Variants in GAL3ST2 observed in about 807,000 individuals in gnomAD.
GAL3ST2 encodes beta-galactose-3-O-sulfotransferase 2.
In GAL3ST2, 16 loss-of-function variants were observed where a neutral mutation model predicts 12.9. That is an observed-to-expected ratio of 1.24 (90% CI 0.84 to 1.88). GAL3ST2 has a LOEUF of 1.88. Ranked by LOEUF, GAL3ST2 falls within the 40% of genes most tolerant of loss-of-function variation. GAL3ST2 has a pLI of 0.00. For missense variants in GAL3ST2, 639 were observed against 571.8 expected, an observed-to-expected ratio of 1.12 and a Z score of -1.20; for synonymous variants, 302 against 273.9, an observed-to-expected ratio of 1.10 and a Z score of -1.01.
Position 241,801,345 on chromosome 2 carries a change from CTTTACG to C in GAL3ST2, c.120-435_120-430del. 1 of 189,666 alleles carries C rather than the reference CTTTACG, an allele frequency of 5.3e-6. No homozygotes were observed. The highest frequency in any genetic ancestry group is 1.1e-5 in the Non-Finnish European group (1 of 92,554). The allele number at this position is 189,666 out of a possible 1,614,324, so 11.7% of individuals were successfully genotyped here. ...CCGTGGTGTAGATGTGCCACATTTT[CTTTACG>C]GTCTCTATGTAACATTCACACCCGG... On this transcript the variant is annotated intron_variant, in intron 2 of 3. Coordinates refer to ENST00000192314, the MANE Select transcript of GAL3ST2 (RefSeq NM_022134.3). This position sits in a 1 kb window ranked among gnomAD's most constrained non-coding sequence, Gnocchi z 4.4.
intron 1 of GAL3ST2, among the ~76,000 whole-genome samples, chr2:241,786,034 A>G (rs915228547): frequency 6.6e-6 from 1 of 152,210 alleles, no homozygotes; most frequent in African/African-American, 2.4e-5. Flanking sequence ...GCTAGCAAAA[A>G]GGTGGTCTTG....
chr2:241,798,968 C>T, intron 1 of GAL3ST2, 97 bp from the exon 2 acceptor site: 1 of 945,812 alleles, frequency 1.1e-6, no homozygotes, highest in South Asian at 1.3e-5. Context: ...AGGCCCAGAC[C>T]TGTGTGGCCC....
intron 1 of GAL3ST2, among the ~76,000 whole-genome samples, chr2:241,792,623 T>C (rs1306481126): frequency 6.6e-6 from 1 of 152,054 alleles, no homozygotes; most frequent in Non-Finnish European, 1.5e-5. Flanking sequence ...CCTAATAACT[T>C]AGGACCTGCC....
intron 1 of GAL3ST2, among the ~76,000 whole-genome samples, chr2:241,787,023 C>CAG (rs1026992501): frequency 6.6e-6 from 1 of 152,114 alleles, no homozygotes; most frequent in African/African-American, 2.4e-5. Flanking sequence ...ATCAGAAACT[C>CAG]AGAGAGGGTA....
intron 1 of GAL3ST2, among the ~76,000 whole-genome samples, chr2:241,792,010 C>T (rs1394299809): frequency 1.1e-4 from 15 of 141,440 alleles, no homozygotes; most frequent in East Asian, 2.1e-4. Flanking sequence ...TCTTTTCTTT[C>T]TTTCTTTTTT....
intron 1 of GAL3ST2, among the ~76,000 whole-genome samples, chr2:241,794,996 C>T (rs548590176): frequency 6.6e-6 from 1 of 152,172 alleles, no homozygotes; most frequent in African/African-American, 2.4e-5. Flanking sequence ...GCACAATTCG[C>T]TGGTTTCTAG....
At chr2:241,777,012 T>C (rs762787795) in intron 1 of GAL3ST2, 28 bp downstream of exon 1, 2 of 1,478,158 alleles carry the variant, frequency 1.4e-6, no homozygotes, top group East Asian at 5.3e-5. Flanking sequence ...ACCCCCCAGG[T>C]GGACAAAGCG....
At position 241,803,366 on chromosome 2, in the gene GAL3ST2, G is replaced by C. The variant is rs752191205; in HGVS notation, c.397G>C (p.Asp133His). Residue 133 changes from aspartate to histidine, a missense_variant, in exon 4 of 4, where the codon GAC becomes CAC. Asp to His is a moderately conservative substitution (Grantham distance 81). Transcript: ENST00000192314. Reference sequence around the variant, plus strand: ...ACAGGTGCAGAAAGTCATGCCCAACGACACCTTCTACTTCTCCATCCTGAG... The same window carrying C: ...ACAGGTGCAGAAAGTCATGCCCAACCACACCTTCTACTTCTCCATCCTGAG... Reference protein sequence around the residue: ...LPQVQKVMPNDTFYFSILRNP... With the variant: ...LPQVQKVMPNHTFYFSILRNP... 1.2e-6 allele frequency: 2 copies of C among 1,603,040 alleles called. No individual in the cohort carries two copies. The highest frequency in any genetic ancestry group is 2.2e-5 in the East Asian group (1 of 44,552).
chr2:241,796,887 C>T (rs1699777851), intron 1 of GAL3ST2, among the ~76,000 whole-genome samples: 1 of 152,128 alleles, frequency 6.6e-6, no homozygotes, highest in Non-Finnish European at 1.5e-5. Context: ...ACTGCTGTGG[C>T]CACAGCCCCA....
intron 1 of GAL3ST2, among the ~76,000 whole-genome samples, chr2:241,790,606 A>G (rs1699683595): frequency 6.6e-6 from 1 of 152,200 alleles, no homozygotes; most frequent in Non-Finnish European, 1.5e-5. Flanking sequence ...ATCATGATTT[A>G]CTTTCCAATC....
intron 1 of GAL3ST2, among the ~76,000 whole-genome samples, chr2:241,781,494 A>G (rs1047191359): frequency 3.3e-5 from 5 of 152,228 alleles, no homozygotes; most frequent in African/African-American, 1.2e-4. Context: ...TTGCCTGTGG[A>G]TGATAAAAAG....
chr2:241,797,656 A>T lies in GAL3ST2; in HGVS notation c.30-1409A>T, dbSNP rs541152997. On this transcript the variant is annotated intron_variant, in intron 1 of 3. Coordinates refer to ENST00000192314, the MANE Select transcript of GAL3ST2 (RefSeq NM_022134.3). Reference sequence around the variant, plus strand: ...CAGCCCTCCCCGCTGCTCCCATGGCAGCGCAGGAATGGTCGTGTGACCACT... The same window carrying T: ...CAGCCCTCCCCGCTGCTCCCATGGCTGCGCAGGAATGGTCGTGTGACCACT... 9.2e-5 allele frequency among the ~76,000 whole-genome samples: 14 copies of T among 151,706 alleles called. No individual in the cohort carries two copies. In the South Asian group the frequency reaches 2.9e-3, roughly 32 times the overall value.
chr2:241,795,600 G>C lies in GAL3ST2; in HGVS notation c.30-3465G>C, dbSNP rs1699763320. On this transcript the variant is annotated intron_variant, in intron 1 of 3. Coordinates refer to ENST00000192314, the MANE Select transcript of GAL3ST2 (RefSeq NM_022134.3). This position sits in a 1 kb window ranked among gnomAD's most constrained non-coding sequence, Gnocchi z 4.5. ...CTTATCAGTGAGTTAATCTCTAACT[G>C]TGCGGAGCCGTAAAACTGCCCTTCC... 6.6e-6 allele frequency among the ~76,000 whole-genome samples: 1 copy of C among 152,110 alleles called. No homozygotes were observed. Among genetic ancestry groups the C allele is most frequent in the Admixed American group, 6.5e-5 (1 of 15,282 alleles).
intron 1 of GAL3ST2, among the ~76,000 whole-genome samples, chr2:241,794,471 G>A (rs1051862042): frequency 6.6e-6 from 1 of 152,196 alleles, no homozygotes; most frequent in Non-Finnish European, 1.5e-5. Flanking sequence ...GGGAGCCTCA[G>A]CGACTTGCTG....
rs560832738 is a variant in GAL3ST2, at chr2:241,780,571, C to T, written c.29+3587C>T. On this transcript the variant is annotated intron_variant, in intron 1 of 3. Coordinates refer to ENST00000192314, the MANE Select transcript of GAL3ST2 (RefSeq NM_022134.3). ...CATAATCTTTTCTCTCTCCAGTTTCCCATTTTTACTAAAGACAAGTCATGG... is the reference window on the plus strand; with the variant it reads ...CATAATCTTTTCTCTCTCCAGTTTCTCATTTTTACTAAAGACAAGTCATGG... 7.9e-5 allele frequency among the ~76,000 whole-genome samples: 12 copies of T among 152,210 alleles called. 1 individual carries two copies. The highest frequency in any genetic ancestry group is 2.6e-4 in the African/African-American group (11 of 41,524).
rs374753008 is a variant in GAL3ST2 at position 241,801,905 on chromosome 2, G to A, written c.244G>A (p.Val82Met). Reference sequence around the variant, plus strand: ...CTTCGCCGAGACCCACAACCTGTCCGTGGCGCTGCCCGCCGGCTCACGCGT... The same window carrying A: ...CTTCGCCGAGACCCACAACCTGTCCATGGCGCTGCCCGCCGGCTCACGCGT... ...YRFAETHNLS[V>M]ALPAGSRVHL... Residue 82 changes from valine (V) to methionine (M), a missense_variant, in exon 3 of 4, where the codon GTG (valine) becomes ATG (methionine). By Grantham distance (21) the Val-to-Met change is conservative. Transcript: ENST00000192314. This position sits in a 1 kb window ranked among gnomAD's most constrained non-coding sequence, Gnocchi z 4.4. 1.4e-5 allele frequency: 23 copies of A among 1,612,874 alleles called. No individual in the cohort carries two copies. Among genetic ancestry groups the A allele is most frequent in the South Asian group, 5.5e-5 (5 of 91,076 alleles).
intron 1 of GAL3ST2, among the ~76,000 whole-genome samples, chr2:241,779,346 G>A (rs376803624): frequency 9.9e-5 from 14 of 140,854 alleles, no homozygotes; most frequent in African/African-American, 3.1e-4. Context: ...CCATTCTCCC[G>A]CCTCAGCCTC....
rs935294920 is a variant in GAL3ST2, at chr2:241,803,832, G to C, written c.863G>C (p.Arg288Pro). The C allele has an allele frequency of 6.7e-7, 1 of 1,485,950 alleles. No homozygotes were observed. Among genetic ancestry groups the C allele is most frequent in the South Asian group, 1.3e-5 (1 of 76,772 alleles). The allele number at this position is 1,485,950 out of a possible 1,614,324, so 92.0% of individuals were successfully genotyped here. A position where few individuals can be genotyped will look rare whatever the true frequency, so the allele number is the denominator to read the frequency against. ...LDWRLYEHFN[R>P]TLWAQLRAEL... The stretch of plus-strand genomic sequence containing the variant: ...TGGCGCCTGTACGAGCATTTCAACC[G>C]CACCCTCTGGGCGCAGCTGCGCGCC... Residue 288 changes from arginine (R) to proline (P), a missense_variant, in exon 4 of 4, where the codon CGC (arginine) becomes CCC (proline). By Grantham distance (103) the Arg-to-Pro change is moderately radical (BLOSUM62 -2). Transcript: ENST00000192314.
In GAL3ST2 at chr2:241,801,637, C is replaced by A; in HGVS notation, c.120-144C>A. On this transcript the variant is annotated intron_variant, in intron 2 of 3. Coordinates refer to ENST00000192314, the MANE Select transcript of GAL3ST2 (RefSeq NM_022134.3). This position sits in a 1 kb window ranked among gnomAD's most constrained non-coding sequence, Gnocchi z 4.4. The stretch of plus-strand genomic sequence containing the variant: ...CAAGGATTGGGGCCATGGGTCGGTG[C>A]CTACCCAGTTGGCCCCCTGGCCTAG... The A allele has an allele frequency of 2.7e-6, 3 of 1,095,402 alleles. No individual in the cohort carries two copies. Among genetic ancestry groups the A allele is most frequent in the Non-Finnish European group, 2.6e-6 (2 of 781,568 alleles). 67.9% of individuals were successfully genotyped at this position (1,095,402 alleles called of 1,614,324 possible).
Sources: gnomAD v4.1 joint callset for allele counts (sites outside exome capture counted in the v4.1 genomes callset) on GRCh38, gnomAD v4.1.1 for gene constraint, Gnocchi (gnomAD v3.1) non-coding constraint, MANE v1.5 for transcripts, NCBI Gene and HGNC (gene_info 2026-07-23, HGNC 2026-07-21) for gene names.